Variants in CTNNA2 observed in about 807,000 individuals in gnomAD.
The protein encoded by CTNNA2 is catenin alpha 2.
CTNNA2 carries 42 observed loss-of-function variants against 101.0 expected under a neutral mutation model. That is an observed-to-expected ratio of 0.42 (90% CI 0.32 to 0.54). The LOEUF (loss-of-function observed/expected upper bound fraction) is 0.54, where lower values mean the gene tolerates loss of function less well. Among genes scored for constraint, CTNNA2 ranks in the 20% least tolerant of loss-of-function variants. The pLI is 0.14. For missense variants in CTNNA2, 871 were observed against 1,223.1 expected, an observed-to-expected ratio of 0.71 and a Z score of 4.29; for synonymous variants, 450 against 456.4, an observed-to-expected ratio of 0.99 and a Z score of 0.18.
chr2:80,471,390 C>T (rs1428931298), intron 9 of CTNNA2, among the ~76,000 whole-genome samples: 14 of 152,268 alleles, frequency 9.2e-5, no homozygotes. Flanking sequence ...ATTTATTATC[C>T]TGTTATTTAT....
intron 2 of CTNNA2, chr2:79,697,875 G>A (rs1684744048): frequency 2.0e-5 from 3 of 151,900 alleles, no homozygotes; most frequent in Admixed American, 6.6e-5. Context: ...TATACAAGAG[G>A]ATGTGGTTGA....
intron 8 of CTNNA2, among the ~76,000 whole-genome samples, chr2:80,412,324 T>C (rs1573978388): frequency 6.6e-6 from 1 of 152,254 alleles, no homozygotes; most frequent in East Asian, 1.9e-4. Flanking sequence ...TTCCCTGTCC[T>C]AGTCCCCATG....
Position 80,231,141 on chromosome 2 carries a change from T to G in CTNNA2, c.1057-162070T>G, listed in dbSNP as rs1022984710. ...CATGCACTACCATCCCCCGCTAATT[T>G]TTTTGTATTTTTAGTAGAGACAGGG... On this transcript the variant is annotated intron_variant, in intron 7 of 18. Transcript: ENST00000402739. 2.0e-5 allele frequency among the ~76,000 whole-genome samples: 3 copies of G among 151,988 alleles called. No homozygotes were observed. The South Asian group carries it at 6.2e-4, about 32-fold the overall frequency.
chr2:80,483,308 A>G (rs745881593), intron 9 of CTNNA2, among the ~76,000 whole-genome samples: 6 of 151,114 alleles, frequency 4.0e-5, no homozygotes, highest in Non-Finnish European at 8.8e-5. Context: ...TCAGCATTTT[A>G]TATCTTTTAA....
intron 7 of CTNNA2, among the ~76,000 whole-genome samples, chr2:80,290,589 T>C (rs1675150424): frequency 6.6e-6 from 1 of 151,204 alleles, no homozygotes; most frequent in African/African-American, 2.5e-5. Flanking sequence ...TTGAAAATAC[T>C]ATTTAGACAT....
At chr2:79,830,142 G>A (rs557770990) in intron 3 of CTNNA2, among the ~76,000 whole-genome samples, 1 of 152,180 alleles carries the variant, frequency 6.6e-6, no homozygotes, top group African/African-American at 2.4e-5. Flanking sequence ...GGTGCAATAC[G>A]AAACATGTCT....
intron 1 of CTNNA2, among the ~76,000 whole-genome samples, chr2:79,588,836 G>A (rs1371223855): frequency 6.6e-6 from 1 of 152,134 alleles, no homozygotes; most frequent in African/African-American, 2.4e-5. Context: ...TCTAGGATAA[G>A]CACCGTATAG....
chr2:80,524,482 T>C (rs901393467), intron 9 of CTNNA2, among the ~76,000 whole-genome samples: 1 of 152,172 alleles, frequency 6.6e-6, no homozygotes, highest in Non-Finnish European at 1.5e-5. Flanking sequence ...GTTCTGCCCA[T>C]TGCCTACAGG....
chr2:79,300,213 C>G, intron 2 of CTNNA2, among the ~76,000 whole-genome samples: 1 of 152,128 alleles, frequency 6.6e-6, no homozygotes, highest in East Asian at 1.9e-4. Flanking sequence ...ACCCCGGCAA[C>G]CAGTGATGTT....
At chr2:80,142,622 A>G (rs182467767) in intron 7 of CTNNA2, among the ~76,000 whole-genome samples, 10 of 152,296 alleles carry the variant, frequency 6.6e-5, no homozygotes, top group Non-Finnish European at 8.8e-5. Flanking sequence ...CCAAAGTTCC[A>G]CAATGCATAT....
chr2:80,261,291 A>G (rs968524282), intron 7 of CTNNA2, among the ~76,000 whole-genome samples: 3 of 152,018 alleles, frequency 2.0e-5, no homozygotes, highest in Non-Finnish European at 4.4e-5. Flanking sequence ...ACCCCTTGTA[A>G]TAGGCTTTGA....
chr2:80,534,566 A>G lies in CTNNA2; in HGVS notation c.1291-10416A>G, dbSNP rs1254978931. On this transcript the variant is annotated intron_variant, in intron 9 of 18. Coordinates refer to ENST00000402739, the MANE Select transcript of CTNNA2 (RefSeq NM_001282597.3). ...GGGTAAAGTAGGGATTCTGTCCTGC[A>G]AGAATTCAGTCTAGCTGGGAAAATG... Among the ~76,000 whole-genome samples the G allele has an allele frequency of 7.9e-5, 12 of 152,202 alleles. No homozygotes were observed. In the South Asian group the frequency reaches 2.3e-3, roughly 29 times the overall value.
intron 3 of CTNNA2, among the ~76,000 whole-genome samples, chr2:79,348,515 G>T (rs919496857): frequency 6.6e-6 from 1 of 152,180 alleles, no homozygotes; most frequent in Non-Finnish European, 1.5e-5. Flanking sequence ...ATCTAGATGT[G>T]GAGACAGCAG....
At chr2:79,666,415 T>C (rs914525681) in intron 2 of CTNNA2, among the ~76,000 whole-genome samples, 19 of 152,368 alleles carry the variant, frequency 1.2e-4, no homozygotes, top group African/African-American at 4.6e-4. Context: ...GCAGAATTTG[T>C]GATTGACTTT....
intron 3 of CTNNA2, among the ~76,000 whole-genome samples, chr2:79,331,558 G>A (rs183077811): frequency 6.6e-6 from 1 of 152,178 alleles, no homozygotes; most frequent in East Asian, 1.9e-4. Flanking sequence ...AATCCCAGTG[G>A]ATTCTCTTAC....
chr2:80,588,845 T>G (rs1430668394), intron 14 of CTNNA2, among the ~76,000 whole-genome samples: 1 of 152,102 alleles, frequency 6.6e-6, no homozygotes, highest in East Asian at 1.9e-4. Context: ...CCTCCCCCAC[T>G]TGGATGCTCA....
rs187005491 is a variant in CTNNA2, at chr2:80,064,999, A to G, written c.1056+155202A>G. Among the ~76,000 whole-genome samples, 146 of 152,334 alleles carry G rather than the reference A, an allele frequency of 9.6e-4. 1 individual carries two copies. Among genetic ancestry groups the G allele is most frequent in the Non-Finnish European group, 1.2e-3 (83 of 68,026 alleles). ...TTTTATGAAGAATTTATACTTTAAT[A>G]TATAAATTAGTGCAAATGCAAGTTT... is the stretch of plus-strand genomic sequence containing the variant. On this transcript the variant is annotated intron_variant, in intron 7 of 18. Transcript: ENST00000402739.
At chr2:79,343,597 C>T (rs971959733) in intron 3 of CTNNA2, among the ~76,000 whole-genome samples, 1 of 152,126 alleles carries the variant, frequency 6.6e-6, no homozygotes, top group Non-Finnish European at 1.5e-5. Flanking sequence ...CCTCTTCTTC[C>T]TGGCCAAGGT....
intron 4 of CTNNA2, among the ~76,000 whole-genome samples, chr2:79,463,815 A>C (rs1558672421): frequency 6.6e-6 from 1 of 152,162 alleles, no homozygotes; most frequent in Non-Finnish European, 1.5e-5. Context: ...ATATGTTCTC[A>C]ATAGTCAAGC....
Sources: allele counts gnomAD v4.1 joint callset (sites outside exome capture counted in the v4.1 genomes callset), GRCh38; gene constraint gnomAD v4.1.1; transcripts MANE v1.5; gene names NCBI Gene and HGNC (gene_info 2026-07-23, HGNC 2026-07-21).